SLC4A10: variants seen among roughly 807,000 people sequenced by gnomAD.
SLC4A10 encodes the protein sodium-driven chloride bicarbonate exchanger.
In SLC4A10, 42 loss-of-function variants were observed where a neutral mutation model predicts 137.7. The ratio of observed to expected loss-of-function variants is 0.30; its 90% CI spans 0.24 to 0.39. SLC4A10 has a LOEUF of 0.39. Among genes scored for constraint, SLC4A10 ranks in the 10% least tolerant of loss-of-function variants. SLC4A10 has a pLI of 1.00. For synonymous variants in SLC4A10, 474 were observed against 464.1 expected (o/e 1.02, Z -0.27); for missense variants, 925 against 1,355.0 (o/e 0.68, Z 4.98).
intron 2 of SLC4A10, among the ~76,000 whole-genome samples, chr2:161,790,189 AG>A (rs1006854533): frequency 1.3e-5 from 2 of 152,212 alleles, no homozygotes; most frequent in African/African-American, 4.8e-5. Context: ...ATATCACAAT[AG>A]TTTTACAAAT....
intron 4 of SLC4A10, among the ~76,000 whole-genome samples, chr2:161,844,702 C>T (rs2059389213): frequency 6.6e-6 from 1 of 151,956 alleles, no homozygotes; most frequent in Non-Finnish European, 1.5e-5. Context: ...CTAGAAGCAC[C>T]TAATTGGCAG....
At chr2:161,671,311 A>G (rs1477521011) in intron 1 of SLC4A10, among the ~76,000 whole-genome samples, 1 of 152,134 alleles carries the variant, frequency 6.6e-6, no homozygotes, top group Non-Finnish European at 1.5e-5. Flanking sequence ...CTGTCAGCAG[A>G]CACCAAACCT....
At chr2:161,953,482 C>G (rs567244239) in intron 19 of SLC4A10, among the ~76,000 whole-genome samples, 1 of 151,926 alleles carries the variant, frequency 6.6e-6, no homozygotes, top group African/African-American at 2.4e-5. Context: ...GTGGCGGGCA[C>G]CTGTAATCCC....
intron 15 of SLC4A10, among the ~76,000 whole-genome samples, chr2:161,936,360 A>G (rs1328105439): frequency 6.6e-6 from 1 of 152,076 alleles, no homozygotes. Context: ...AACTGGTATT[A>G]TTAGTTCTTC....
intron 15 of SLC4A10, among the ~76,000 whole-genome samples, chr2:161,918,297 A>G (rs1020675809): frequency 1.3e-5 from 2 of 152,040 alleles, no homozygotes; most frequent in African/African-American, 4.8e-5. Flanking sequence ...CTGAGATTAT[A>G]GTCATGCACC....
At chr2:161,694,796 G>T (rs1025208805) in intron 1 of SLC4A10, among the ~76,000 whole-genome samples, 2 of 151,972 alleles carry the variant, frequency 1.3e-5, no homozygotes, top group African/African-American at 4.8e-5. Context: ...TTCTTTGGAA[G>T]AAATATTAAC....
At chr2:161,784,995 C>A (rs1195749015) in intron 2 of SLC4A10, among the ~76,000 whole-genome samples, 1 of 150,028 alleles carries the variant, frequency 6.7e-6, no homozygotes, top group South Asian at 2.1e-4. Flanking sequence ...AAACCTTTGG[C>A]TAGACTTAGA....
At chr2:161,691,696 T>C (rs904814735) in intron 1 of SLC4A10, among the ~76,000 whole-genome samples, 3 of 152,206 alleles carry the variant, frequency 2.0e-5, no homozygotes, top group Non-Finnish European at 2.9e-5. Context: ...TCAAGAAGCA[T>C]AAAATATGGT....
At chr2:161,661,421 C>T (rs1574184214) in intron 1 of SLC4A10, among the ~76,000 whole-genome samples, 1 of 152,078 alleles carries the variant, frequency 6.6e-6, no homozygotes, top group Non-Finnish European at 1.5e-5. Flanking sequence ...TTGCAGTGAG[C>T]CGAGATTGCA....
intron 1 of SLC4A10, among the ~76,000 whole-genome samples, chr2:161,745,731 G>A (rs1231136944): frequency 6.6e-6 from 1 of 152,084 alleles, no homozygotes; most frequent in Admixed American, 6.6e-5. Flanking sequence ...ATTATTCAAA[G>A]TGAATTAAGG....
intron 4 of SLC4A10, among the ~76,000 whole-genome samples, chr2:161,848,260 T>G (rs2059618175): frequency 6.6e-6 from 1 of 152,186 alleles, no homozygotes; most frequent in South Asian, 2.1e-4. Flanking sequence ...TTATTTGAGT[T>G]CCTTAAAGAT....
chr2:161,858,237 TG>T lies in SLC4A10; in HGVS notation c.577+3108del, dbSNP rs548918732. On this transcript the variant is annotated intron_variant, in intron 5 of 26. Transcript: ENST00000446997. ...GAATACACAGGCTTTACAGTATTGA[TG>T]TTTTTCAGACATTTCCTACTAGATG... Among the ~76,000 whole-genome samples the T allele has an allele frequency of 1.6e-3, 242 of 152,306 alleles. 1 individual carries two copies. Among genetic ancestry groups the T allele is most frequent in the African/African-American group, 5.5e-3 (230 of 41,570 alleles).
chr2:161,817,107 G>T (rs1258256703), intron 3 of SLC4A10, among the ~76,000 whole-genome samples: 6 of 152,326 alleles, frequency 3.9e-5, no homozygotes, highest in Middle Eastern at 3.4e-3. Flanking sequence ...CAGTGTAAAA[G>T]TGTTCCTATT....
At chr2:161,771,186 A>G in intron 2 of SLC4A10, 132 bp downstream of exon 2, 2 of 646,098 alleles carry the variant, frequency 3.1e-6, no homozygotes, top group South Asian at 3.8e-5. Flanking sequence ...GGGGAGGGGT[A>G]CATCTGATTG....
At chr2:161,968,770 T>G (rs946841651) in intron 23 of SLC4A10, among the ~76,000 whole-genome samples, 7 of 152,230 alleles carry the variant, frequency 4.6e-5, no homozygotes, top group Admixed American at 1.3e-4. Flanking sequence ...TTAAAGAGGT[T>G]CGCTTTCTAG....
intron 3 of SLC4A10, among the ~76,000 whole-genome samples, chr2:161,828,772 A>ATATATATT (rs1400119110): frequency 1.9e-5 from 1 of 52,634 alleles, no homozygotes; most frequent in Non-Finnish European, 3.5e-5. Flanking sequence ...TAATTCATAT[A>ATATATATT]TATATATATA....
At chr2:161,757,504 C>G (rs1260598679) in intron 1 of SLC4A10, among the ~76,000 whole-genome samples, 2 of 152,108 alleles carry the variant, frequency 1.3e-5, no homozygotes, top group African/African-American at 4.8e-5. Flanking sequence ...GTATTAGCAA[C>G]ATGTAACTCA....
At chr2:161,681,792 G>T (rs2040880707) in intron 1 of SLC4A10, among the ~76,000 whole-genome samples, 1 of 151,924 alleles carries the variant, frequency 6.6e-6, no homozygotes. Flanking sequence ...TTCTGCGTTT[G>T]CCTTCCTGGA....
At chr2:161,667,845 C>T (rs2039246488) in intron 1 of SLC4A10, among the ~76,000 whole-genome samples, 1 of 151,592 alleles carries the variant, frequency 6.6e-6, no homozygotes, top group Non-Finnish European at 1.5e-5. Flanking sequence ...TTTAAAAGAA[C>T]TAGAAATTAC....
Sources: allele counts gnomAD v4.1 joint callset (sites outside exome capture counted in the v4.1 genomes callset), GRCh38; gene constraint gnomAD v4.1.1; transcripts MANE v1.5; gene names NCBI Gene and HGNC (gene_info 2026-07-23, HGNC 2026-07-21).